PRMT2: variants seen among roughly 807,000 people sequenced by gnomAD.
The protein encoded by PRMT2 is protein arginine N-methyltransferase 2.
A neutral mutation model predicts 57.6 loss-of-function variants in PRMT2; 26 were observed. That is an observed-to-expected ratio of 0.45 (90% CI 0.33 to 0.63). The LOEUF (loss-of-function observed/expected upper bound fraction) is 0.63, where lower values mean the gene tolerates loss of function less well. PRMT2 is among the 20% of genes least tolerant of loss of function. The probability of loss-of-function intolerance (pLI) is 0.02; values close to 1 mark genes in which losing one functional copy is unlikely to be tolerated. For synonymous variants in PRMT2, 219 were observed against 220.0 expected (o/e 1.00, Z 0.04); for missense variants, 472 against 564.4 (o/e 0.84, Z 1.66).
At chr21:46,637,418 A>G (rs1212060646) in intron 3 of PRMT2, among the ~76,000 whole-genome samples, 2 of 152,202 alleles carry the variant, frequency 1.3e-5, no homozygotes, top group Non-Finnish European at 2.9e-5. Context: ...GCAGTAAAAA[A>G]TACCCCTCAA....
intron 3 of PRMT2, 34 bp from the exon 4 acceptor site, chr21:46,643,501 G>A (rs377648947): frequency 7.0e-6 from 10 of 1,433,616 alleles, no homozygotes; most frequent in African/African-American, 6.0e-5. Flanking sequence ...AAGCTCCAGC[G>A]TCCTCTCCTC....
Position 46,648,293 on chromosome 21 carries a change from C to A in PRMT2, c.328-165C>A. 1.6e-6 allele frequency: 1 copy of A among 627,162 alleles called. No individual in the cohort carries two copies. Among genetic ancestry groups the A allele is most frequent in the Non-Finnish European group, 2.7e-6 (1 of 367,770 alleles). 38.8% of individuals were successfully genotyped at this position (627,162 alleles called of 1,614,324 possible). On this transcript the variant is annotated intron_variant, in intron 5 of 11. Coordinates refer to ENST00000355680, the MANE Select transcript of PRMT2 (RefSeq NM_206962.4). This position sits in a 1 kb window ranked among gnomAD's most constrained non-coding sequence, Gnocchi z 4.8. ...GGTGGGTGAAGTGTTCTCTAAATAC[C>A]AATGAGATTAACTTGGTTGACAGTG...
chr21:46,658,115 G>A (rs920350595), intron 7 of PRMT2: 2 of 152,458 alleles, frequency 1.3e-5, no homozygotes, highest in Admixed American at 6.5e-5. Flanking sequence ...GCCCCACCTC[G>A]CTGGTGCTCC....
intron 5 of PRMT2, among the ~76,000 whole-genome samples, chr21:46,645,104 A>T (rs201296664): frequency 3.2e-3 from 159 of 49,216 alleles, no homozygotes; most frequent in Non-Finnish European, 6.1e-3. Flanking sequence ...AAAAAAAATT[A>T]AAAAAAAATA....
chr21:46,661,754 G>A (rs747423087), intron 9 of PRMT2, 46 bp from the exon 10 acceptor site: 5 of 1,288,108 alleles, frequency 3.9e-6, no homozygotes, highest in African/African-American at 1.5e-5. Flanking sequence ...CGGGCCCTGC[G>A]GTGCCACGCG....
chr21:46,657,291 C>G (rs1265386566), intron 7 of PRMT2: 2 of 151,804 alleles, frequency 1.3e-5, no homozygotes, highest in East Asian at 3.9e-4. Flanking sequence ...GAGTCCCTCT[C>G]CTGTGTGTTC....
Position 46,664,820 on chromosome 21 carries a change from T to A in PRMT2, c.*493T>A. ...TAGGGAACACTGCCCTGGCTCAGCG[T>A]GCGAGCTAAGGTGGTGATGTATGCG... On this transcript the variant is annotated 3_prime_UTR_variant, in exon 12 of 12. Transcript: ENST00000355680. The A allele has an allele frequency of 5.5e-6, 1 of 182,232 alleles. No homozygotes were observed. The highest frequency in any genetic ancestry group is 2.3e-5 in the African/African-American group (1 of 43,594). 11.3% of individuals were successfully genotyped at this position (182,232 alleles called of 1,614,324 possible).
At chr21:46,636,862 A>C in intron 2 of PRMT2, 34 bp from the exon 3 acceptor site, 1 of 1,322,548 alleles carries the variant, frequency 7.6e-7, no homozygotes, top group African/African-American at 1.5e-5. Flanking sequence ...CAATGTAACA[A>C]GTACTTTGTG....
chr21:46,643,714 G>C, intron 4 of PRMT2, 75 bp downstream of exon 4: 2 of 1,492,142 alleles, frequency 1.3e-6, no homozygotes. Context: ...TTTTGCAGAC[G>C]TCACACCAAA....
intron 8 of PRMT2, chr21:46,659,402 C>T (rs561386959): frequency 8.1e-6 from 8 of 985,902 alleles, no homozygotes; most frequent in Non-Finnish European, 9.6e-6. Flanking sequence ...TCAGCAAAAA[C>T]ACGATTGTAA....
Position 46,660,750 on chromosome 21 carries a change from A to C in PRMT2, c.831-83A>C, listed in dbSNP as rs2061607002. On this transcript the variant is annotated intron_variant, in intron 8 of 11. Transcript: ENST00000355680. Reference sequence around the variant, plus strand: ...ATCCTGGTGACACAGAAGGGAGAGCACTCACCGCGGTCCCACGTGTGTGTT... The same window carrying C: ...ATCCTGGTGACACAGAAGGGAGAGCCCTCACCGCGGTCCCACGTGTGTGTT... 9.3e-6 allele frequency: 14 copies of C among 1,510,324 alleles called. No individual in the cohort carries two copies. The South Asian group carries it at 1.5e-4, about 16-fold the overall frequency. The allele number at this position is 1,510,324 out of a possible 1,614,324, so 93.6% of individuals were successfully genotyped here. A position where few individuals can be genotyped will look rare whatever the true frequency, so the allele number is the denominator to read the frequency against.
At chr21:46,652,170 A>G (rs1179085558) in intron 7 of PRMT2, 2 of 1,430,590 alleles carry the variant, frequency 1.4e-6, no homozygotes, top group Non-Finnish European at 1.8e-6. Context: ...ATCTGCTAAA[A>G]TAAACCTCAG....
intron 3 of PRMT2, among the ~76,000 whole-genome samples, chr21:46,642,657 T>C (rs1338687059): frequency 1.3e-5 from 2 of 152,204 alleles, no homozygotes; most frequent in Non-Finnish European, 2.9e-5. Context: ...ACAAGGTTGA[T>C]TCATTGAACT....
At chr21:46,651,324 A>C (rs1283964446) in intron 7 of PRMT2, among the ~76,000 whole-genome samples, 1 of 152,092 alleles carries the variant, frequency 6.6e-6, no homozygotes. Flanking sequence ...GGCCACCAGG[A>C]CTGGCTGGGG....
At position 46,637,731 on chromosome 21, in the gene PRMT2, C is replaced by G. The variant is rs577549134; in HGVS notation, c.39+741C>G. Among the ~76,000 whole-genome samples the G allele has an allele frequency of 2.0e-5, 3 of 152,028 alleles. No individual in the cohort carries two copies. In the South Asian group the frequency reaches 6.2e-4, roughly 32 times the overall value. On this transcript the variant is annotated intron_variant, in intron 3 of 11. Transcript: ENST00000355680. Reference sequence around the variant, plus strand: ...TATTGTAAACATCAAGTACATTAAACAGTGTACATTAAGCTATATATATGT... The same window carrying G: ...TATTGTAAACATCAAGTACATTAAAGAGTGTACATTAAGCTATATATATGT...
chr21:46,643,345 A>G (rs2061310732), intron 3 of PRMT2, 190 bp from the exon 4 acceptor site: 3 of 1,111,216 alleles, frequency 2.7e-6, no homozygotes, highest in Non-Finnish European at 3.4e-6. Flanking sequence ...TTTTTTTTTT[A>G]GAAAAGAAAT....
chr21:46,651,760 G>A (rs2061457545), intron 7 of PRMT2: 1 of 1,602,278 alleles, frequency 6.2e-7, no homozygotes, highest in African/African-American at 1.3e-5. Flanking sequence ...GTATGAATCT[G>A]GGAGTCGTTG....
In PRMT2 at chr21:46,664,197, A is replaced by T; in HGVS notation, c.1270-98A>T. 4 of 1,078,592 alleles carry T rather than the reference A, an allele frequency of 3.7e-6. No individual in the cohort carries two copies. In the South Asian group the frequency reaches 5.2e-5, roughly 14 times the overall value. 66.8% of individuals were successfully genotyped at this position (1,078,592 alleles called of 1,614,324 possible). A position where few individuals can be genotyped will look rare whatever the true frequency, so the allele number is the denominator to read the frequency against. The stretch of plus-strand genomic sequence containing the variant: ...TCATTTAAAAAAATTCTGCACCTGA[A>T]TACTGTTCTCTTGTCCAATATTAAA... On this transcript the variant is annotated intron_variant, in intron 11 of 11. Coordinates refer to ENST00000355680, the MANE Select transcript of PRMT2 (RefSeq NM_206962.4).
chr21:46,660,421 T>C (rs1007304555), intron 8 of PRMT2, among the ~76,000 whole-genome samples: 1 of 152,218 alleles, frequency 6.6e-6, no homozygotes, highest in Non-Finnish European at 1.5e-5. Context: ...TTACTGTTAA[T>C]AGAAGATCCA....
Sources: allele counts gnomAD v4.1 joint callset (sites outside exome capture counted in the v4.1 genomes callset), GRCh38; gene constraint gnomAD v4.1.1; non-coding constraint Gnocchi (gnomAD v3.1); transcripts MANE v1.5; gene names NCBI Gene and HGNC (gene_info 2026-07-23, HGNC 2026-07-21).